Variants in NAALADL2 observed in about 807,000 individuals in gnomAD.
NAALADL2 encodes N-acetylated alpha-linked acidic dipeptidase like 2.
NAALADL2 carries 76 observed loss-of-function variants against 87.2 expected under a neutral mutation model. The ratio of observed to expected loss-of-function variants is 0.87; its 90% CI spans 0.72 to 1.05. NAALADL2 has a LOEUF of 1.05. NAALADL2 is among the 50% of genes least tolerant of loss of function. NAALADL2 has a pLI of 0.00. For synonymous variants in NAALADL2, 354 were observed against 331.0 expected, an observed-to-expected ratio of 1.07 and a Z score of -0.75; for missense variants, 1,089 against 945.8, an observed-to-expected ratio of 1.15 and a Z score of -1.99.
chr3:174,915,662 A>G (rs1376328850), intron 1 of NAALADL2, among the ~76,000 whole-genome samples: 1 of 152,178 alleles, frequency 6.6e-6, no homozygotes, highest in South Asian at 2.1e-4. Flanking sequence ...ATTGAATTTT[A>G]TCATATGATA....
At chr3:175,119,838 A>G (rs1440605675) in intron 2 of NAALADL2, among the ~76,000 whole-genome samples, 1 of 146,110 alleles carries the variant, frequency 6.8e-6, no homozygotes, top group East Asian at 2.0e-4. Flanking sequence ...TAAGATGTAT[A>G]TGACTTATAT....
chr3:174,852,053 A>C (rs1579205314), intron 3 of NAALADL2, among the ~76,000 whole-genome samples: 1 of 152,118 alleles, frequency 6.6e-6, no homozygotes, highest in African/African-American at 2.4e-5. Context: ...ACTCTCAAAA[A>C]ACTGGGTATA....
At chr3:174,623,463 A>G (rs1210883116) in intron 2 of NAALADL2, among the ~76,000 whole-genome samples, 1 of 152,088 alleles carries the variant, frequency 6.6e-6, no homozygotes, top group African/African-American at 2.4e-5. Context: ...GTACTAAATG[A>G]TAGACTAGTA....
chr3:174,972,120 A>G (rs1299143413), intron 1 of NAALADL2, among the ~76,000 whole-genome samples: 1 of 152,002 alleles, frequency 6.6e-6, no homozygotes, highest in Non-Finnish European at 1.5e-5. Context: ...ACTCACAGAA[A>G]CTTTTCATTG....
chr3:175,126,045 C>T (rs922381353), intron 2 of NAALADL2, among the ~76,000 whole-genome samples: 13 of 152,018 alleles, frequency 8.6e-5, no homozygotes, highest in Non-Finnish European at 1.8e-4. Flanking sequence ...TGTCAAAATG[C>T]CCTTGCTATA....
At chr3:174,531,082 T>C (rs1330114489) in intron 1 of NAALADL2, among the ~76,000 whole-genome samples, 1 of 152,176 alleles carries the variant, frequency 6.6e-6, no homozygotes, top group African/African-American at 2.4e-5. Context: ...GAACATCATC[T>C]AGTTAGCCCA....
intron 2 of NAALADL2, among the ~76,000 whole-genome samples, chr3:174,575,813 G>A (rs1715467390): frequency 6.6e-6 from 1 of 152,104 alleles, no homozygotes; most frequent in African/African-American, 2.4e-5. Flanking sequence ...TTTATTAGAT[G>A]CCTATTGTGC....
chr3:174,696,542 G>T (rs487898), intron 2 of NAALADL2, among the ~76,000 whole-genome samples: 63,676 of 142,440 alleles, frequency 0.45, 14,621 homozygotes, highest in East Asian at 0.74. Context: ...TTTTCTCACC[G>T]CCTTTATTTT....
At chr3:175,014,016 TC>T (rs2108828438) in intron 1 of NAALADL2, among the ~76,000 whole-genome samples, 1 of 152,240 alleles carries the variant, frequency 6.6e-6, no homozygotes, top group South Asian at 2.1e-4. Flanking sequence ...CAGGTTAAAA[TC>T]CGACCTCTGT....
At chr3:174,449,312 T>C (rs1715298265) in intron 1 of NAALADL2, among the ~76,000 whole-genome samples, 1 of 152,162 alleles carries the variant, frequency 6.6e-6, no homozygotes, top group African/African-American at 2.4e-5. Context: ...TTGTGAAACC[T>C]AGAATTGGAG....
At chr3:175,772,484 A>G (rs1749628519) in intron 13 of NAALADL2, among the ~76,000 whole-genome samples, 1 of 152,150 alleles carries the variant, frequency 6.6e-6, no homozygotes, top group Non-Finnish European at 1.5e-5. Context: ...TGTCACCCTA[A>G]CAAGCTTCTT....
intron 1 of NAALADL2, among the ~76,000 whole-genome samples, chr3:174,914,433 G>A (rs1486542514): frequency 6.6e-6 from 1 of 152,120 alleles, no homozygotes; most frequent in African/African-American, 2.4e-5. Flanking sequence ...GGGGTACAGA[G>A]GGTATGGACT....
chr3:175,162,628 T>C (rs915884643), intron 2 of NAALADL2, among the ~76,000 whole-genome samples: 4 of 152,156 alleles, frequency 2.6e-5, no homozygotes, highest in Non-Finnish European at 5.9e-5. Context: ...TTGCAAACTC[T>C]CTAAATGATT....
chr3:174,949,221 A>G (rs1739950212), intron 1 of NAALADL2, among the ~76,000 whole-genome samples: 1 of 152,196 alleles, frequency 6.6e-6, no homozygotes, highest in African/African-American at 2.4e-5. Flanking sequence ...CATTCAGGCC[A>G]TAGCTCTTAC....
chr3:175,267,546 T>C (rs1431807347), intron 4 of NAALADL2, among the ~76,000 whole-genome samples: 1 of 152,126 alleles, frequency 6.6e-6, no homozygotes, highest in Non-Finnish European at 1.5e-5. Flanking sequence ...TTGTCTAAAG[T>C]TTTTCTTTTT....
chr3:175,605,630 T>C (rs1723592764), intron 10 of NAALADL2, among the ~76,000 whole-genome samples: 1 of 126,350 alleles, frequency 7.9e-6, no homozygotes, highest in African/African-American at 2.8e-5. Flanking sequence ...CACCTAGATG[T>C]ATATTGCTTG....
At chr3:174,935,193 G>A (rs939371129) in intron 1 of NAALADL2, among the ~76,000 whole-genome samples, 1 of 152,038 alleles carries the variant, frequency 6.6e-6, no homozygotes, top group Non-Finnish European at 1.5e-5. Flanking sequence ...ACTTTCATGT[G>A]TAATGTTCTG....
intron 2 of NAALADL2, among the ~76,000 whole-genome samples, chr3:174,646,724 C>A (rs1212167051): frequency 6.6e-6 from 1 of 151,988 alleles, no homozygotes. Flanking sequence ...TTGATTATTA[C>A]TCTTTTATGC....
chr3:174,827,812 G>A (rs1177474316), intron 3 of NAALADL2, among the ~76,000 whole-genome samples: 2 of 152,092 alleles, frequency 1.3e-5, no homozygotes, highest in African/African-American at 4.8e-5. Flanking sequence ...CCATCCAATT[G>A]TAGCAAACAT....
Sources: allele counts gnomAD v4.1 joint callset (sites outside exome capture counted in the v4.1 genomes callset), GRCh38; gene constraint gnomAD v4.1.1; transcripts MANE v1.5; gene names NCBI Gene and HGNC (gene_info 2026-07-23, HGNC 2026-07-21).